Variants in PRSS35 observed in about 807,000 individuals in gnomAD.
PRSS35 encodes inactive serine protease 35.
PRSS35 carries 7 observed loss-of-function variants against 8.1 expected under a neutral mutation model. That is an observed-to-expected ratio of 0.86 (90% CI 0.49 to 1.62). The LOEUF (loss-of-function observed/expected upper bound fraction) is 1.62, where lower values mean the gene tolerates loss of function less well. Ranked by LOEUF, PRSS35 falls within the 40% of genes most tolerant of loss-of-function variation. PRSS35 has a pLI of 0.00. For synonymous variants in PRSS35, 199 were observed against 188.7 expected, an observed-to-expected ratio of 1.05 and a Z score of -0.45; for missense variants, 566 against 518.0, an observed-to-expected ratio of 1.09 and a Z score of -0.90.
Position 83,524,398 on chromosome 6 carries a change from G to C in PRSS35, c.957G>C (p.Gln319His). The change falls in exon 2 of 2, where the codon CAG becomes CAC. Residue 319 changes from glutamine (Q) to histidine (H), a missense_variant. Coordinates refer to ENST00000369700, the MANE Select transcript of PRSS35 (RefSeq NM_153362.3). The stretch of plus-strand genomic sequence containing the variant: ...GATTTGATAACGATAGGGCTGATCA[G>C]TTGGTCTATCGGTTTTGCAGTGTGT... ...FSGFDNDRAD[Q>H]LVYRFCSVSD... The C allele has an allele frequency of 6.2e-7, 1 of 1,614,224 alleles. No homozygotes were observed. The highest frequency in any genetic ancestry group is 8.5e-7 in the Non-Finnish European group (1 of 1,180,048).
At chr6:83,522,277 A>G (rs941949615) in intron 1 of PRSS35, among the ~76,000 whole-genome samples, 2 of 152,122 alleles carry the variant, frequency 1.3e-5, no homozygotes, top group Non-Finnish European at 2.9e-5. Context: ...GGCAAATACT[A>G]GCGACACAGA....
intron 1 of PRSS35, among the ~76,000 whole-genome samples, chr6:83,517,885 G>A (rs995646972): frequency 1.3e-5 from 2 of 152,194 alleles, no homozygotes; most frequent in African/African-American, 4.8e-5. Flanking sequence ...TGATATGACT[G>A]AGTAATTCCT....
Position 83,524,127 on chromosome 6 carries a change from G to T in PRSS35, c.686G>T (p.Gly229Val), listed in dbSNP as rs1383290895. 1.2e-6 allele frequency: 2 copies of T among 1,614,078 alleles called. No homozygotes were observed. The highest frequency in any genetic ancestry group is 1.7e-6 in the Non-Finnish European group (2 of 1,180,002). Reference sequence around the variant, plus strand: ...GAGCATCTGCGGGAGAGAGCGAAGGGTGGGAGAAGAAGAAAAAAATCTGGC... The same window carrying T: ...GAGCATCTGCGGGAGAGAGCGAAGGTTGGGAGAAGAAGAAAAAAATCTGGC... ...TREHLRERAK[G>V]GRRRKKSGRG... The change falls in exon 2 of 2, where the codon GGT becomes GTT. Residue 229 changes from glycine to valine, a missense_variant. Gly to Val is a moderately radical substitution (Grantham distance 109, BLOSUM62 -3). Transcript: ENST00000369700.
chr6:83,520,868 C>A (rs567302560), intron 1 of PRSS35, among the ~76,000 whole-genome samples: 3 of 152,298 alleles, frequency 2.0e-5, no homozygotes, highest in East Asian at 1.9e-4. Context: ...ACTATTTAGA[C>A]ATCCTTTATT....
rs1449544833 is a variant in PRSS35, at chr6:83,524,261, G to T, written c.820G>T (p.Asp274Tyr). 1.2e-6 allele frequency: 2 copies of T among 1,614,164 alleles called. No individual in the cohort carries two copies. Among genetic ancestry groups the T allele is most frequent in the African/African-American group, 1.3e-5 (1 of 75,032 alleles). Residue 274 changes from aspartate to tyrosine, a missense_variant, in exon 2 of 2, where the codon GAC (aspartate) becomes TAC (tyrosine). By Grantham distance (160) the Asp-to-Tyr change is radical. Coordinates refer to ENST00000369700, the MANE Select transcript of PRSS35 (RefSeq NM_153362.3). ...ARGGMGDATL[D>Y]YDYALLELKR... is the part of the protein sequence containing the mutation. ...AGGAGGCATGGGGGACGCTACCTTG[G>T]ACTATGACTATGCTCTTCTGGAGCT...
Position 83,524,318 on chromosome 6 carries a change from C to G in PRSS35, c.877C>G (p.Leu293Val). ...KRAHKKKYME[L>V]GISPTIKKMP... ...TGCTCACAAAAAGAAATACATGGAA[C>G]TTGGAATCAGCCCAACGATCAAGAA... The change falls in exon 2 of 2, where the codon CTT becomes GTT. Residue 293 changes from leucine (L) to valine (V), a missense_variant. Transcript: ENST00000369700. The G allele has an allele frequency of 1.9e-6, 3 of 1,614,136 alleles. No homozygotes were observed. The South Asian group carries it at 3.3e-5, about 18-fold the overall frequency.
At chr6:83,523,366 A>G (rs1562034848) in intron 1 of PRSS35, 56 bp from the exon 2 acceptor site, 3 of 1,339,938 alleles carry the variant, frequency 2.2e-6, no homozygotes, top group South Asian at 1.4e-5. Flanking sequence ...AATGAAATGG[A>G]TAAGTAAGAT....
rs1191906549 is a variant in PRSS35 at position 83,524,320 on chromosome 6, T to G, written c.879T>G (p.Leu293=). The G allele has an allele frequency of 6.2e-7, 1 of 1,614,036 alleles. No individual in the cohort carries two copies. The highest frequency in any genetic ancestry group is 1.7e-5 in the Admixed American group (1 of 59,998). The change falls in exon 2 of 2, where the codon CTT becomes CTG. Residue 293 remains leucine, a synonymous_variant. Transcript: ENST00000369700. ...KRAHKKKYME[L]GISPTIKKMP... Reference sequence around the variant, plus strand: ...CTCACAAAAAGAAATACATGGAACTTGGAATCAGCCCAACGATCAAGAAAA... The same window carrying G: ...CTCACAAAAAGAAATACATGGAACTGGGAATCAGCCCAACGATCAAGAAAA...
chr6:83,516,788 G>A (rs925848344), intron 1 of PRSS35, among the ~76,000 whole-genome samples: 3 of 151,928 alleles, frequency 2.0e-5, no homozygotes, highest in African/African-American at 4.8e-5. Flanking sequence ...TCTGGCCTCC[G>A]CTTACATCTA....
Position 83,523,572 on chromosome 6 carries a change from A to T in PRSS35, c.131A>T (p.His44Leu). The change falls in exon 2 of 2, where the codon CAT becomes CTT. Residue 44 changes from histidine (H) to leucine (L), a missense_variant. His to Leu is a moderately conservative substitution (Grantham distance 99). Coordinates refer to ENST00000369700, the MANE Select transcript of PRSS35 (RefSeq NM_153362.3). ...CGGATTGTCAGTGAAAGGACTTTCC[A>T]TCTCACCAGCCCCGCATTTGAGGCA... ...VPRIVSERTF[H>L]LTSPAFEADA... 2 of 1,614,178 alleles carry T rather than the reference A, an allele frequency of 1.2e-6. No homozygotes were observed. Among genetic ancestry groups the T allele is most frequent in the Non-Finnish European group, 1.7e-6 (2 of 1,180,030 alleles).
chr6:83,525,438 T>C lies in PRSS35; in HGVS notation c.*755T>C, dbSNP rs1481488492. The C allele has an allele frequency of 2.4e-5, 4 of 167,078 alleles. No homozygotes were observed. Among genetic ancestry groups the C allele is most frequent in the Non-Finnish European group, 5.9e-5 (4 of 68,124 alleles). 10.3% of individuals were successfully genotyped at this position (167,078 alleles called of 1,614,324 possible). On this transcript the variant is annotated 3_prime_UTR_variant, in exon 2 of 2. Coordinates refer to ENST00000369700, the MANE Select transcript of PRSS35 (RefSeq NM_153362.3). ...TTTTATTTAACTAATACTCAAAATA[T>C]GGACTTTTCATGTATGCATAGGGAA...
At chr6:83,516,826 G>T (rs1459941968) in intron 1 of PRSS35, among the ~76,000 whole-genome samples, 1 of 152,062 alleles carries the variant, frequency 6.6e-6, no homozygotes, top group Non-Finnish European at 1.5e-5. Flanking sequence ...TAACCCGTCT[G>T]CCTCCTTCTT....
intron 1 of PRSS35, among the ~76,000 whole-genome samples, chr6:83,520,728 G>C (rs1771806123): frequency 1.3e-5 from 2 of 152,274 alleles, no homozygotes; most frequent in African/African-American, 4.8e-5. Context: ...TTATAAACCA[G>C]TGTCATCTAC....
At chr6:83,518,363 ACT>A (rs958068332) in intron 1 of PRSS35, among the ~76,000 whole-genome samples, 4 of 152,094 alleles carry the variant, frequency 2.6e-5, no homozygotes, top group African/African-American at 9.7e-5. Flanking sequence ...GTTGACATAG[ACT>A]CTGTTTCTTT....
Position 83,523,287 on chromosome 6 carries a change from T to C in PRSS35, c.-20-135T>C, listed in dbSNP as rs1301624609. 6.5e-5 allele frequency: 44 copies of C among 679,782 alleles called. No homozygotes were observed. In the East Asian group the frequency reaches 1.1e-3, roughly 17 times the overall value. 42.1% of individuals were successfully genotyped at this position (679,782 alleles called of 1,614,324 possible). The stretch of plus-strand genomic sequence containing the variant: ...CTTACCAGTGTTTATCTAATCTCAA[T>C]AAAATCTAGGTAAGGTGAAAATAAG... On this transcript the variant is annotated intron_variant, in intron 1 of 1. Transcript: ENST00000369700.
At chr6:83,514,600 G>T (rs971787945) in intron 1 of PRSS35, among the ~76,000 whole-genome samples, 1 of 152,158 alleles carries the variant, frequency 6.6e-6, no homozygotes, top group Non-Finnish European at 1.5e-5. Context: ...TTTATTCTCA[G>T]CCTAGAATCA....
Position 83,524,575 on chromosome 6 carries a change from C to A in PRSS35, c.1134C>A (p.Val378=). 1 of 1,614,166 alleles carries A rather than the reference C, an allele frequency of 6.2e-7. No individual in the cohort carries two copies. The highest frequency in any genetic ancestry group is 8.5e-7 in the Non-Finnish European group (1 of 1,180,036). ...ACTCAGGGCACCAGTGGGTGGATGTCCACGGGGTTCAGAAGGACTACAACG... is the reference window on the plus strand; with the variant it reads ...ACTCAGGGCACCAGTGGGTGGATGTACACGGGGTTCAGAAGGACTACAACG... ...AVYSGHQWVD[V]HGVQKDYNVA... The change falls in exon 2 of 2, where the codon GTC becomes GTA. Residue 378 remains valine (V), a synonymous_variant. Transcript: ENST00000369700.
At position 83,523,462 on chromosome 6, in the gene PRSS35, G is replaced by C. The variant is rs540921970; in HGVS notation, c.21G>C (p.Trp7Cys). 6.2e-7 allele frequency: 1 copy of C among 1,613,274 alleles called. No individual in the cohort carries two copies. Among genetic ancestry groups the C allele is most frequent in the Non-Finnish European group, 8.5e-7 (1 of 1,179,638 alleles). ...TCAAAATGGAAAATATGCTGCTTTG[G>C]TTGATATTTTTCACCCCTGGGTGGA... MENMLL[W>C]LIFFTPGWTL... The change falls in exon 2 of 2, where the codon TGG becomes TGC. Residue 7 changes from tryptophan to cysteine, a missense_variant. Coordinates refer to ENST00000369700, the MANE Select transcript of PRSS35 (RefSeq NM_153362.3).
chr6:83,522,782 A>G (rs1469433502), intron 1 of PRSS35, among the ~76,000 whole-genome samples: 2 of 152,234 alleles, frequency 1.3e-5, no homozygotes, highest in Non-Finnish European at 2.9e-5. Context: ...AAACAGATCA[A>G]TAGAAGATTA....
Sources: gnomAD v4.1 joint callset for allele counts (sites outside exome capture counted in the v4.1 genomes callset) on GRCh38, gnomAD v4.1.1 for gene constraint, MANE v1.5 for transcripts, NCBI Gene and HGNC (gene_info 2026-07-23, HGNC 2026-07-21) for gene names.